ZNF503: variants seen among roughly 807,000 people sequenced by gnomAD.
ZNF503 encodes the protein NocA-like zinc finger 2.
Under a neutral mutation model 34.4 loss-of-function variants are expected in ZNF503, and 15 were observed. The observed-to-expected ratio is 0.44, with a 90% confidence interval of 0.29 to 0.67. ZNF503 has a LOEUF of 0.67. Ranked by LOEUF, ZNF503 falls within the 30% of genes least tolerant of loss-of-function variation. The pLI, the probability that ZNF503 is intolerant of heterozygous loss-of-function variation, is 0.13. For missense variants in ZNF503, 1,007 were observed against 926.8 expected (o/e 1.09, Z -1.12); for synonymous variants, 580 against 456.8 (o/e 1.27, Z -3.44).
chr10:75,345,224 C>T, the ZNF503 span, among the ~76,000 whole-genome samples: 4 of 152,082 alleles, frequency 2.6e-5, no homozygotes, highest in Non-Finnish European at 5.9e-5. Context: ...TTCATAGGGG[C>T]CAGGCAGTCT....
the ZNF503 span, chr10:75,338,501 T>TA: frequency 1.3e-5 from 2 of 152,374 alleles, no homozygotes; most frequent in East Asian, 3.9e-4. Flanking sequence ...TGTAAGGATC[T>TA]AATTGATGTT....
the ZNF503 span, among the ~76,000 whole-genome samples, chr10:75,372,638 C>G: frequency 1.3e-5 from 2 of 152,192 alleles, no homozygotes; most frequent in Non-Finnish European, 2.9e-5. Flanking sequence ...ACTGGGAGCA[C>G]TCAATACAAA....
At chr10:75,287,864 T>C in the ZNF503 span, among the ~76,000 whole-genome samples, 4 of 152,242 alleles carry the variant, frequency 2.6e-5, no homozygotes, top group Admixed American at 2.6e-4. Flanking sequence ...AGGACTCCAG[T>C]TGTCCAAGTT....
Position 75,398,844 on chromosome 10 carries a change from G to A in ZNF503, c.1846C>T (p.Pro616Ser). 1.3e-6 allele frequency: 2 copies of A among 1,503,482 alleles called. No homozygotes were observed. The highest frequency in any genetic ancestry group is 2.3e-5 in the East Asian group (1 of 43,084). 93.1% of individuals were successfully genotyped at this position (1,503,482 alleles called of 1,614,324 possible). A position where few individuals can be genotyped will look rare whatever the true frequency, so the allele number is the denominator to read the frequency against. ...CCGGTGGCGGCGGGCACCGGCACGG[G>A]GGCGCCAGGCGTGGGAAGCGGGCTC... is the stretch of plus-strand genomic sequence containing the variant. Reference protein sequence around the residue: ...SKSPLPTPGAPVPVPAATGPY... With the variant: ...SKSPLPTPGASVPVPAATGPY... Residue 616 changes from proline (P) to serine (S), a missense_variant, in exon 2 of 2, where the codon CCC (proline) becomes TCC (serine). Physicochemically the swap from Pro to Ser is moderately conservative, Grantham distance 74. Transcript: ENST00000372524.
chr10:75,398,905 C>A lies in ZNF503; in HGVS notation c.1785G>T (p.Ala595=), dbSNP rs774971067. Residue 595 remains alanine (A), a synonymous_variant, in exon 2 of 2, where the codon GCG becomes GCT. Transcript: ENST00000372524. ...GGTGGTAGCGGCTGCTGAGTCCCAG[C>A]GCGTGGTGGGGGCTGCGCAGCGCCA... The part of the protein sequence containing the change: ...GTLALRSPHH[A]LGLSSRYHPY... 33 of 1,557,276 alleles carry A rather than the reference C, an allele frequency of 2.1e-5. 2 individuals are homozygous for A. In the South Asian group the frequency reaches 3.7e-4, roughly 18 times the overall value.
the ZNF503 span, among the ~76,000 whole-genome samples, chr10:75,307,512 C>A: frequency 2.0e-5 from 3 of 152,188 alleles, no homozygotes; most frequent in African/African-American, 7.2e-5. Context: ...GCAGCAAGTG[C>A]TGATCAAGAA....
chr10:75,331,101 T>C, the ZNF503 span, among the ~76,000 whole-genome samples: 2 of 152,264 alleles, frequency 1.3e-5, no homozygotes, highest in African/African-American at 4.8e-5. Context: ...CAGGTATTTG[T>C]ACAGTTTCAA....
At chr10:75,308,372 C>T in the ZNF503 span, among the ~76,000 whole-genome samples, 2 of 152,170 alleles carry the variant, frequency 1.3e-5, no homozygotes, top group Non-Finnish European at 2.9e-5. Flanking sequence ...TACTCAAGAA[C>T]TCTGATGGAG....
the ZNF503 span, among the ~76,000 whole-genome samples, chr10:75,309,832 C>A: frequency 6.6e-6 from 1 of 152,018 alleles, no homozygotes; most frequent in South Asian, 2.1e-4. Flanking sequence ...TGTCATGAAG[C>A]TTTTGTTCTA....
downstream of ZNF503, among the ~76,000 whole-genome samples, chr10:75,396,436 C>G (rs1018341522): frequency 6.6e-6 from 1 of 151,922 alleles, no homozygotes; most frequent in Admixed American, 6.5e-5. This position sits in a 1 kb window ranked among gnomAD's most constrained non-coding sequence, Gnocchi z 4.4. Flanking sequence ...CGGGAGGTCG[C>G]TGGGGGTGGC....
At chr10:75,346,350 A>G in the ZNF503 span, among the ~76,000 whole-genome samples, 1 of 151,508 alleles carries the variant, frequency 6.6e-6, no homozygotes, top group Admixed American at 6.6e-5. Context: ...AATCTTGGTA[A>G]TTTTTGAACA....
At chr10:75,320,505 A>T in the ZNF503 span, among the ~76,000 whole-genome samples, 1 of 148,752 alleles carries the variant, frequency 6.7e-6, no homozygotes, top group Non-Finnish European at 1.5e-5. Flanking sequence ...ATAAAAATAA[A>T]AAATTAGCAA....
the ZNF503 span, among the ~76,000 whole-genome samples, chr10:75,387,491 A>G: frequency 0.035 from 5,292 of 152,332 alleles, 328 homozygotes; most frequent in African/African-American, 0.12. Context: ...AGCACTACAT[A>G]CAGTATTTGG....
chr10:75,388,493 C>T, the ZNF503 span, among the ~76,000 whole-genome samples: 8 of 152,094 alleles, frequency 5.3e-5, no homozygotes, highest in Admixed American at 3.3e-4. Flanking sequence ...CTTCAGTGTA[C>T]GGAGAAATAA....
chr10:75,361,835 T>A, the ZNF503 span, among the ~76,000 whole-genome samples: 1 of 152,132 alleles, frequency 6.6e-6, no homozygotes, highest in African/African-American at 2.4e-5. Flanking sequence ...GCTGCCCAGG[T>A]GGGTGCTGTG....
the ZNF503 span, among the ~76,000 whole-genome samples, chr10:75,362,473 G>C: frequency 6.6e-6 from 1 of 151,872 alleles, no homozygotes; most frequent in Middle Eastern, 3.4e-3. Flanking sequence ...ACCAGAGCAG[G>C]GCCACCCACT....
the ZNF503 span, among the ~76,000 whole-genome samples, chr10:75,377,245 G>A: frequency 7.9e-5 from 12 of 152,132 alleles, no homozygotes; most frequent in Admixed American, 2.0e-4. Flanking sequence ...CCTTTCAGGC[G>A]CCCAGTGACA....
chr10:75,388,117 G>A, the ZNF503 span, among the ~76,000 whole-genome samples: 2 of 152,156 alleles, frequency 1.3e-5, no homozygotes, highest in Admixed American at 6.5e-5. Flanking sequence ...CTAATCCTGG[G>A]GACAGCAGAC....
At chr10:75,377,225 C>T in the ZNF503 span, among the ~76,000 whole-genome samples, 1 of 152,194 alleles carries the variant, frequency 6.6e-6, no homozygotes, top group African/African-American at 2.4e-5. Context: ...AGAGAAGGGC[C>T]TTTCCTGGGC....
Sources: gnomAD v4.1 joint callset for allele counts (sites outside exome capture counted in the v4.1 genomes callset) on GRCh38, gnomAD v4.1.1 for gene constraint, Gnocchi (gnomAD v3.1) non-coding constraint, MANE v1.5 for transcripts, NCBI Gene and HGNC (gene_info 2026-07-23, HGNC 2026-07-21) for gene names.